The following XYLT1 variants were observed in gnomAD, a reference collection of about 807,000 sequenced individuals.
XYLT1 encodes beta-D-xylosyltransferase 1.
In XYLT1, 36 loss-of-function variants were observed where a neutral mutation model predicts 91.3. The observed-to-expected ratio is 0.39, with a 90% confidence interval of 0.30 to 0.52. The LOEUF (loss-of-function observed/expected upper bound fraction) is 0.52, where lower values mean the gene tolerates loss of function less well. XYLT1 is among the 20% of genes least tolerant of loss of function. The pLI is 0.68. For synonymous variants in XYLT1, 588 were observed against 532.0 expected (o/e 1.11, Z -1.45); for missense variants, 1,242 against 1,284.5 (o/e 0.97, Z 0.51).
chr16:17,353,102 C>G (rs181814771), intron 2 of XYLT1, among the ~76,000 whole-genome samples: 50 of 152,280 alleles, frequency 3.3e-4, no homozygotes, highest in Middle Eastern at 6.8e-3. Context: ...CAAAGAAATT[C>G]AAGTATCTGG....
At chr16:17,374,488 T>C (rs1213433229) in intron 1 of XYLT1, among the ~76,000 whole-genome samples, 16 of 152,218 alleles carry the variant, frequency 1.1e-4, no homozygotes, top group Admixed American at 1.0e-3. Context: ...ACCAACTCAG[T>C]GAATCAGCAC....
intron 9 of XYLT1, among the ~76,000 whole-genome samples, chr16:17,131,990 C>T (rs2030499583): frequency 6.7e-6 from 1 of 150,290 alleles, no homozygotes; most frequent in African/African-American, 2.5e-5. Flanking sequence ...TGGCTCGAGG[C>T]AACGTGACGG....
chr16:17,356,371 C>T (rs979851997), intron 2 of XYLT1, among the ~76,000 whole-genome samples: 8 of 152,136 alleles, frequency 5.3e-5, no homozygotes, highest in Admixed American at 4.6e-4. Flanking sequence ...GAAACCGAAT[C>T]CTTTTCCTCC....
rs72783525 is a variant in XYLT1 at position 17,412,758 on chromosome 16, C to G, written c.364-54708G>C. 2.0e-5 allele frequency among the ~76,000 whole-genome samples: 3 copies of G among 152,164 alleles called. No individual in the cohort carries two copies. In the East Asian group the frequency reaches 5.8e-4, roughly 29 times the overall value. On this transcript the variant is annotated intron_variant, in intron 1 of 11. Transcript: ENST00000261381. ...CTGACTGAGTCCCAAGGAGACCTAA[C>G]AGAGATTTACTTTCCCAAACAAGGA...
intron 1 of XYLT1, among the ~76,000 whole-genome samples, chr16:17,400,930 G>A (rs2035959712): frequency 6.6e-6 from 1 of 151,848 alleles, no homozygotes; most frequent in African/African-American, 2.4e-5. Flanking sequence ...ACAGCCAGGG[G>A]GATGACATAA....
chr16:17,253,070 G>A (rs200510341), intron 3 of XYLT1, among the ~76,000 whole-genome samples: 185 of 152,308 alleles, frequency 1.2e-3, no homozygotes, highest in African/African-American at 4.3e-3. Context: ...GGAAATCTGG[G>A]TGTCATGGTT....
intron 2 of XYLT1, among the ~76,000 whole-genome samples, chr16:17,316,960 C>T (rs939700798): frequency 1.3e-5 from 2 of 151,622 alleles, no homozygotes; most frequent in African/African-American, 4.8e-5. Flanking sequence ...GTAGCTGGGA[C>T]TACAGGCGCC....
At position 17,334,696 on chromosome 16, in the gene XYLT1, A is replaced by G. The variant is rs187303017; in HGVS notation, c.402+23316T>C. 3.9e-3 allele frequency among the ~76,000 whole-genome samples: 601 copies of G among 152,282 alleles called. 2 individuals carry two copies. The highest frequency in any genetic ancestry group is 6.6e-3 in the Non-Finnish European group (447 of 68,020). The stretch of plus-strand genomic sequence containing the variant: ...AAAAGATCTACTATTATCCTGGCTA[A>G]CATGGTGAAATCCCGTCTCTACTAA... On this transcript the variant is annotated intron_variant, in intron 2 of 11. Coordinates refer to ENST00000261381, the MANE Select transcript of XYLT1 (RefSeq NM_022166.4).
intron 1 of XYLT1, among the ~76,000 whole-genome samples, chr16:17,431,990 A>G (rs1355431195): frequency 6.6e-6 from 1 of 152,150 alleles, no homozygotes; most frequent in African/African-American, 2.4e-5. Flanking sequence ...GGCCCCAGTG[A>G]GGGTCTGTTG....
At chr16:17,358,966 G>T (rs918993699) in intron 1 of XYLT1, among the ~76,000 whole-genome samples, 3 of 152,180 alleles carry the variant, frequency 2.0e-5, no homozygotes, top group Non-Finnish European at 4.4e-5. Context: ...GACTGGGAAT[G>T]CTTGGTGGTA....
chr16:17,459,272 T>C (rs2036784355), intron 1 of XYLT1, among the ~76,000 whole-genome samples: 1 of 152,176 alleles, frequency 6.6e-6, no homozygotes, highest in Non-Finnish European at 1.5e-5. Context: ...CTCAGGGGGC[T>C]GAGGTGGGAG....
chr16:17,352,481 G>T (rs1331479062), intron 2 of XYLT1, among the ~76,000 whole-genome samples: 10 of 152,196 alleles, frequency 6.6e-5, no homozygotes, highest in Non-Finnish European at 2.9e-5. Flanking sequence ...CACTGAAGGA[G>T]CAAATGCCTT....
intron 11 of XYLT1, among the ~76,000 whole-genome samples, chr16:17,113,336 T>C (rs1282732400): frequency 6.6e-6 from 1 of 151,478 alleles, no homozygotes; most frequent in African/African-American, 2.4e-5. Context: ...AGAGACAGGG[T>C]TTCACCACAT....
At chr16:17,258,117 A>C (rs1232765580) in intron 3 of XYLT1, among the ~76,000 whole-genome samples, 1 of 151,898 alleles carries the variant, frequency 6.6e-6, no homozygotes, top group Non-Finnish European at 1.5e-5. Flanking sequence ...CAGTGAAGGG[A>C]AAGAGGGAGG....
At chr16:17,306,533 T>G (rs1379749136) in intron 2 of XYLT1, among the ~76,000 whole-genome samples, 1 of 149,784 alleles carries the variant, frequency 6.7e-6, no homozygotes, top group Non-Finnish European at 1.5e-5. Flanking sequence ...CCAGCCTGGG[T>G]GACAGAGTGA....
chr16:17,328,630 T>TCAAAAAAGAG (rs2034850919), intron 2 of XYLT1, among the ~76,000 whole-genome samples: 1 of 141,430 alleles, frequency 7.1e-6, no homozygotes, highest in Admixed American at 7.3e-5. Context: ...AAAAAAATTA[T>TCAAAAAAGAG]CAAAAAAGAG....
intron 1 of XYLT1, among the ~76,000 whole-genome samples, chr16:17,420,068 A>G (rs2036232842): frequency 6.6e-6 from 1 of 152,160 alleles, no homozygotes; most frequent in African/African-American, 2.4e-5. Context: ...AATATCATCT[A>G]ATGGCTTGCT....
chr16:17,273,506 C>G (rs1432748929), intron 2 of XYLT1, among the ~76,000 whole-genome samples: 1 of 152,184 alleles, frequency 6.6e-6, no homozygotes, highest in African/African-American at 2.4e-5. Flanking sequence ...GAATCAGGGT[C>G]TGCACATTAA....
chr16:17,273,097 C>T (rs549802061), intron 2 of XYLT1, among the ~76,000 whole-genome samples: 38 of 152,240 alleles, frequency 2.5e-4, no homozygotes, highest in Admixed American at 1.2e-3. Context: ...ATGTCCTGTG[C>T]GTAAACAACT....
Sources: gnomAD v4.1 joint callset for allele counts (sites outside exome capture counted in the v4.1 genomes callset) on GRCh38, gnomAD v4.1.1 for gene constraint, MANE v1.5 for transcripts, NCBI Gene and HGNC (gene_info 2026-07-23, HGNC 2026-07-21) for gene names.